AFF1: variants seen among roughly 807,000 people sequenced by gnomAD.
AFF1 encodes ALF transcription elongation factor 1.
AFF1 carries 48 observed loss-of-function variants against 121.7 expected under a neutral mutation model. The ratio of observed to expected loss-of-function variants is 0.39; its 90% confidence interval spans 0.31 to 0.50. The LOEUF (loss-of-function observed/expected upper bound fraction) is 0.50. Ranked by LOEUF, AFF1 falls within the 20% of genes least tolerant of loss-of-function variation. The pLI is 0.76. For missense variants in AFF1, 1,523 were observed against 1,511.7 expected, an observed-to-expected ratio of 1.01 and a Z score of -0.12; for synonymous variants, 613 against 563.0, an observed-to-expected ratio of 1.09 and a Z score of -1.26.
In AFF1 at chr4:87,127,173, C is replaced by CCG. The variant is rs1190787590; in HGVS notation, c.2903+57_2903+58insGC. The CCG allele has an allele frequency of 1.0e-4, 134 of 1,296,352 alleles. 5 individuals are homozygous for CCG. In the African/African-American group the frequency reaches 1.3e-3, roughly 13 times the overall value. 80.3% of individuals were successfully genotyped at this position (1,296,352 alleles called of 1,614,324 possible). A position where few individuals can be genotyped will look rare whatever the true frequency, so the allele number is the denominator to read the frequency against. ...GTTTTGTTTTGTTTTGCTTCCCCCC[C>CCG]CCACCAAGATAGAGTCTCACTCTGT... On this transcript the variant is annotated intron_variant, in intron 15 of 20. Transcript: ENST00000395146.
chr4:86,949,494 T>C (rs1721115351), intron 2 of AFF1, among the ~76,000 whole-genome samples: 1 of 149,284 alleles, frequency 6.7e-6, no homozygotes, highest in Non-Finnish European at 1.5e-5. Flanking sequence ...GTTTTTATTG[T>C]TACTTTTATC....
intron 4 of AFF1, among the ~76,000 whole-genome samples, chr4:87,072,609 C>T (rs1243866587): frequency 5.3e-5 from 8 of 151,358 alleles, no homozygotes; most frequent in Non-Finnish European, 1.2e-4. Flanking sequence ...GCAGCCTCCG[C>T]CTCCTAGGTT....
intron 7 of AFF1, among the ~76,000 whole-genome samples, chr4:87,094,096 C>G (rs554366991): frequency 1.3e-5 from 2 of 152,070 alleles, no homozygotes; most frequent in Admixed American, 1.3e-4. Flanking sequence ...AGCACAGATT[C>G]TGCACCTCAG....
chr4:87,046,934 T>C lies in AFF1; in HGVS notation c.399T>C (p.Val133=). 6.8e-6 allele frequency: 11 copies of C among 1,614,238 alleles called. No homozygotes were observed. The highest frequency in any genetic ancestry group is 9.3e-6 in the Non-Finnish European group (11 of 1,180,040). Residue 133 remains valine (V), a synonymous_variant, in exon 4 of 21, where the codon GTT becomes GTC. Transcript: ENST00000395146. ...IHTPASGPLS[V]GNISHNPKMA... ...CTCCTGCGTCTGGACCACTTTCTGT[T>C]GGCAACATTAGCCACAATCCAAAGA...
chr4:87,016,314 T>C (rs1727293933), intron 2 of AFF1, among the ~76,000 whole-genome samples: 2 of 152,112 alleles, frequency 1.3e-5, no homozygotes, highest in African/African-American at 2.4e-5. Flanking sequence ...CCCAAGTTTT[T>C]GTAAAAGTGA....
rs116162677 is a variant in AFF1 at position 86,972,325 on chromosome 4, G to C, written c.38+23754G>C. 3.8e-3 allele frequency among the ~76,000 whole-genome samples: 575 copies of C among 152,020 alleles called. 4 individuals carry two copies. The highest frequency in any genetic ancestry group is 0.013 in the African/African-American group (547 of 41,442). ...AAGAAAGAGGAAGGCAGTGGGAAAA[G>C]TAGATGGAACCATTCCATCTAAGCC... On this transcript the variant is annotated intron_variant, in intron 2 of 20. Coordinates refer to ENST00000395146, the MANE Select transcript of AFF1 (RefSeq NM_001166693.3).
chr4:87,104,745 C>T lies in AFF1; in HGVS notation c.1284-883C>T, dbSNP rs142785683. Reference sequence around the variant, plus strand: ...AGGATTTTAACCTCAAATAATTTGCCGGTGGAGTTTTTAAAATTTGACAAC... The same window carrying T: ...AGGATTTTAACCTCAAATAATTTGCTGGTGGAGTTTTTAAAATTTGACAAC... On this transcript the variant is annotated intron_variant, in intron 8 of 20. Coordinates refer to ENST00000395146, the MANE Select transcript of AFF1 (RefSeq NM_001166693.3). Among the ~76,000 whole-genome samples, 502 of 152,152 alleles carry T rather than the reference C, an allele frequency of 3.3e-3. 3 individuals carry two copies. The highest frequency in any genetic ancestry group is 9.6e-3 in the African/African-American group (397 of 41,500).
intron 4 of AFF1, among the ~76,000 whole-genome samples, chr4:87,070,253 C>T (rs370938106): frequency 1.8e-4 from 27 of 152,354 alleles, no homozygotes; most frequent in African/African-American, 6.0e-4. Context: ...CCACCTGTCT[C>T]GGCCTCCCGA....
intron 2 of AFF1, among the ~76,000 whole-genome samples, chr4:87,010,094 C>A (rs1560536845): frequency 6.6e-6 from 1 of 152,198 alleles, no homozygotes; most frequent in Non-Finnish European, 1.5e-5. Flanking sequence ...ACATTTTAGT[C>A]TCCCCTACAT....
chr4:87,134,772 G>T, intron 20 of AFF1, 78 bp downstream of exon 20: 1 of 1,260,598 alleles, frequency 7.9e-7, no homozygotes. Flanking sequence ...TATTTTATAA[G>T]TTCAGTTTCT....
At chr4:87,127,226 T>C in intron 15 of AFF1, 109 bp downstream of exon 15, 2 of 972,274 alleles carry the variant, frequency 2.1e-6, no homozygotes, top group Non-Finnish European at 3.2e-6. Flanking sequence ...AGTGGCATGA[T>C]CTTGGCTCAC....
At chr4:86,971,740 G>T (rs1722962263) in intron 2 of AFF1, among the ~76,000 whole-genome samples, 1 of 152,188 alleles carries the variant, frequency 6.6e-6, no homozygotes, top group Non-Finnish European at 1.5e-5. Flanking sequence ...TGTTAGAGTT[G>T]CAAGATGATG....
chr4:87,109,593 T>A (rs1256585089), intron 11 of AFF1, among the ~76,000 whole-genome samples: 1 of 152,206 alleles, frequency 6.6e-6, no homozygotes. Context: ...GTTTATAAGA[T>A]CTTTGCTTTA....
At position 87,134,522 on chromosome 4, in the gene AFF1, C is replaced by T. The variant is rs138900630; in HGVS notation, c.3363C>T (p.Ser1121=). 8.1e-4 allele frequency: 1,304 copies of T among 1,613,420 alleles called. 3 individuals are homozygous for T. Among genetic ancestry groups the T allele is most frequent in the Non-Finnish European group, 1.0e-3 (1,217 of 1,179,752 alleles). The change falls in exon 20 of 21, where the codon TCC becomes TCT. Residue 1121 remains serine (S), a synonymous_variant. Transcript: ENST00000395146. ...PLSPMPSPAS[S]VGSQSSAGSV... ...CCCCAATGCCTTCTCCTGCCAGCTC[C>T]GTAGGGTCCCAGTCAAGTGCTGGCA...
At chr4:87,096,299 T>C (rs373294256) in intron 8 of AFF1, among the ~76,000 whole-genome samples, 11 of 4,102 alleles carry the variant, frequency 2.7e-3, no homozygotes, top group Admixed American at 5.6e-3. Context: ...TGTTATTCCC[T>C]TTTTTTTTTT....
chr4:86,987,031 A>G lies in AFF1; in HGVS notation c.38+38460A>G, dbSNP rs138024617. ...TAATTTCATATTATTTTTTGTAGAG[A>G]TGGGGGTCTTGCTATGTTGCCCAGG... is the stretch of plus-strand genomic sequence containing the variant. On this transcript the variant is annotated intron_variant, in intron 2 of 20. Coordinates refer to ENST00000395146, the MANE Select transcript of AFF1 (RefSeq NM_001166693.3). Among the ~76,000 whole-genome samples, 562 of 151,552 alleles carry G rather than the reference A, an allele frequency of 3.7e-3. 2 individuals carry two copies. Among genetic ancestry groups the G allele is most frequent in the Admixed American group, 7.0e-3 (106 of 15,190 alleles).
At chr4:86,941,624 C>T (rs959552436) in intron 1 of AFF1, among the ~76,000 whole-genome samples, 4 of 151,662 alleles carry the variant, frequency 2.6e-5, no homozygotes, top group African/African-American at 4.9e-5. Context: ...TGCACTCCAG[C>T]GTGGGCAATA....
At chr4:86,977,133 T>A (rs1723360483) in intron 2 of AFF1, among the ~76,000 whole-genome samples, 1 of 152,286 alleles carries the variant, frequency 6.6e-6, no homozygotes, top group African/African-American at 2.4e-5. Context: ...TCCCCCCATA[T>A]GAGACAGATA....
At chr4:87,056,055 C>T (rs1720104765) in intron 4 of AFF1, among the ~76,000 whole-genome samples, 1 of 152,048 alleles carries the variant, frequency 6.6e-6, no homozygotes, top group African/African-American at 2.4e-5. Flanking sequence ...TCATTTCATT[C>T]CCTATTTAAA....
Sources: allele counts gnomAD v4.1 joint callset (sites outside exome capture counted in the v4.1 genomes callset), GRCh38; gene constraint gnomAD v4.1.1; transcripts MANE v1.5; gene names NCBI Gene and HGNC (gene_info 2026-07-23, HGNC 2026-07-21).